Variants in CFI observed in about 807,000 individuals in gnomAD.
The protein encoded by CFI is complement factor I.
Under a neutral mutation model 78.8 loss-of-function variants are expected in CFI, and 66 were observed. The observed-to-expected ratio is 0.84, with a 90% CI of 0.69 to 1.03. CFI has a LOEUF of 1.03. Among genes scored for constraint, CFI ranks in the 50% least tolerant of loss-of-function variants. The pLI, the probability that CFI is intolerant of heterozygous loss-of-function variation, is 0.00. For missense variants in CFI, 706 were observed against 704.5 expected (o/e 1.00, Z -0.02); for synonymous variants, 250 against 232.6 (o/e 1.07, Z -0.68).
intron 1 of CFI, among the ~76,000 whole-genome samples, chr4:109,771,100 A>G (rs1002726979): frequency 6.6e-6 from 1 of 152,228 alleles, no homozygotes; most frequent in Middle Eastern, 3.4e-3. Context: ...GTAGGGAAGT[A>G]GAAGATTAGG....
chr4:109,758,931 A>G (rs1403712499), intron 6 of CFI, among the ~76,000 whole-genome samples: 4 of 152,212 alleles, frequency 2.6e-5, no homozygotes, highest in Non-Finnish European at 5.9e-5. Flanking sequence ...TGTCTCTTCT[A>G]AAAACAGAAA....
At position 109,783,812 on chromosome 4, in the gene CFI, GATATAT is replaced by G. The variant is rs34128338; in HGVS notation, c.58-16994_58-16989del. Among the ~76,000 whole-genome samples the G allele has an allele frequency of 8.3e-3, 935 of 113,052 alleles. 66 individuals are homozygous for G. Among genetic ancestry groups the G allele is most frequent in the African/African-American group, 0.029 (870 of 30,286 alleles). 74.2% of individuals were successfully genotyped at this position (113,052 alleles called of 152,430 possible). On this transcript the variant is annotated intron_variant, in intron 1 of 12. Transcript: ENST00000394634. ...TTCAATGAGTGGATAAAGAAACTGT[GATATAT>G]ATATATATATATATATGATGGAATA...
intron 7 of CFI, among the ~76,000 whole-genome samples, chr4:109,756,074 A>G: frequency 6.6e-6 from 1 of 152,236 alleles, no homozygotes; most frequent in East Asian, 1.9e-4. Context: ...TTGCAAAATA[A>G]CAATACACAT....
At chr4:109,771,517 C>T (rs1490263100) in intron 1 of CFI, among the ~76,000 whole-genome samples, 1 of 147,502 alleles carries the variant, frequency 6.8e-6, no homozygotes, top group African/African-American at 2.5e-5. Context: ...CCATTCTGGC[C>T]AACATGATGA....
chr4:109,768,033 C>T (rs1442789472), intron 1 of CFI, among the ~76,000 whole-genome samples: 4 of 146,654 alleles, frequency 2.7e-5, no homozygotes, highest in Non-Finnish European at 4.4e-5. Flanking sequence ...ATTGCAAGGA[C>T]AAAAAACCAA....
Position 109,760,275 on chromosome 4 carries a change from C to G in CFI, c.878G>C (p.Cys293Ser). 1 of 1,612,080 alleles carries G rather than the reference C, an allele frequency of 6.2e-7. No individual in the cohort carries two copies. The highest frequency in any genetic ancestry group is 8.5e-7 in the Non-Finnish European group (1 of 1,178,104). ...ACCCCAAGTCTTTCAATTACCTGCA[C>G]AGCCAACTTCATCTTCCCCTGTAAT... ...DCITGEDEVG[C>S]AGFASVTQEE... Residue 293 changes from cysteine (C) to serine (S), a missense_variant, in exon 6 of 13, where the codon TGT (cysteine) becomes TCT (serine). By Grantham distance (112) the Cys-to-Ser change is moderately radical. Transcript: ENST00000394634.
In CFI at chr4:109,789,552, A is replaced by G. The variant is rs138961821; in HGVS notation, c.57+12363T>C. Reference sequence around the variant, plus strand: ...TACTGAAAGAGAAAATTGGCAATCTATAATTCTATACCCAGTAAAAATATC... The same window carrying G: ...TACTGAAAGAGAAAATTGGCAATCTGTAATTCTATACCCAGTAAAAATATC... On this transcript the variant is annotated intron_variant, in intron 1 of 12. Transcript: ENST00000394634. 7.2e-5 allele frequency among the ~76,000 whole-genome samples: 11 copies of G among 152,252 alleles called. 1 individual carries two copies. In the East Asian group the frequency reaches 2.1e-3, roughly 29 times the overall value.
chr4:109,752,048 G>A (rs1725210254), intron 8 of CFI, among the ~76,000 whole-genome samples: 1 of 152,078 alleles, frequency 6.6e-6, no homozygotes, highest in African/African-American at 2.4e-5. Context: ...GATCTTCAAA[G>A]GTCTCCTATT....
Position 109,753,692 on chromosome 4 carries a change from T to C in CFI, c.905-1189A>G, listed in dbSNP as rs183556744. 4.9e-3 allele frequency among the ~76,000 whole-genome samples: 569 copies of C among 117,162 alleles called. 11 individuals are homozygous for C. The highest frequency in any genetic ancestry group is 0.02 in the African/African-American group (542 of 27,386). 76.9% of individuals were successfully genotyped at this position (117,162 alleles called of 152,430 possible). A position where few individuals can be genotyped will look rare whatever the true frequency, so the allele number is the denominator to read the frequency against. On this transcript the variant is annotated intron_variant, in intron 7 of 12. Transcript: ENST00000394634. ...TAATTTTATATTATATATTATATAA[T>C]GTATAATTTTATATTATATATTATA...
intron 7 of CFI, 155 bp from the exon 8 acceptor site, chr4:109,752,658 T>A: frequency 1.5e-6 from 1 of 668,626 alleles, no homozygotes; most frequent in Non-Finnish European, 2.6e-6. Context: ...CATGTCATCT[T>A]ATTTCCTTTC....
chr4:109,755,573 T>A (rs1222546226), intron 7 of CFI, among the ~76,000 whole-genome samples: 1 of 152,092 alleles, frequency 6.6e-6, no homozygotes, highest in Non-Finnish European at 1.5e-5. Flanking sequence ...GAGAGTGGGC[T>A]TGTTATATAC....
At chr4:109,756,943 AAG>A (rs1491434024) in intron 7 of CFI, among the ~76,000 whole-genome samples, 1 of 150,616 alleles carries the variant, frequency 6.6e-6, no homozygotes, top group Non-Finnish European at 1.5e-5. Context: ...GAAAGAAAGA[AAG>A]AAAGAAAGAA....
At chr4:109,795,770 G>C (rs938860490) in intron 1 of CFI, among the ~76,000 whole-genome samples, 1 of 152,086 alleles carries the variant, frequency 6.6e-6, no homozygotes, top group Non-Finnish European at 1.5e-5. Context: ...ACAGAAGAGA[G>C]AATCAGTGAA....
At chr4:109,733,699 T>C in the CFI span, among the ~76,000 whole-genome samples, 1 of 152,164 alleles carries the variant, frequency 6.6e-6, no homozygotes, top group Non-Finnish European at 1.5e-5. Flanking sequence ...AGCCACAGGA[T>C]AGAGAGAGTT....
At position 109,749,299 on chromosome 4, in the gene CFI, G is replaced by A. The variant is rs755219640; in HGVS notation, c.1067C>T (p.Ala356Val). The A allele has an allele frequency of 1.2e-6, 2 of 1,614,034 alleles. No homozygotes were observed. The highest frequency in any genetic ancestry group is 1.7e-6 in the Non-Finnish European group (2 of 1,179,952). ...GGTGATTCCACTGGCATCCTTAATT[G>A]CCACCTGCCATGGGAGGTCTCCCTG... ...AQLGDLPWQVAIKDASGITCG... is the reference protein window; with the variant it reads ...AQLGDLPWQVVIKDASGITCG... The change falls in exon 10 of 13, where the codon GCA (alanine) becomes GTA (valine). Residue 356 changes from alanine to valine, a missense_variant. Ala to Val is a moderately conservative substitution (Grantham distance 64, BLOSUM62 0). Coordinates refer to ENST00000394634, the MANE Select transcript of CFI (RefSeq NM_000204.5).
At chr4:109,784,179 A>G (rs1730462362) in intron 1 of CFI, among the ~76,000 whole-genome samples, 1 of 151,992 alleles carries the variant, frequency 6.6e-6, no homozygotes, top group African/African-American at 2.4e-5. Context: ...CTAATAACTA[A>G]TGGAAAAATA....
chr4:109,756,977 G>GAAAGAA (rs1380821599), intron 7 of CFI, among the ~76,000 whole-genome samples: 3 of 141,046 alleles, frequency 2.1e-5, no homozygotes, highest in African/African-American at 7.9e-5. Flanking sequence ...AAGAAAGAAA[G>GAAAGAA]AAATTCTGAG....
At chr4:109,773,967 C>T (rs1016377943) in intron 1 of CFI, among the ~76,000 whole-genome samples, 2 of 152,218 alleles carry the variant, frequency 1.3e-5, no homozygotes, top group East Asian at 1.9e-4. Flanking sequence ...CCAGTAATTT[C>T]CAAAGTGGCT....
chr4:109,777,952 A>G (rs1729487767), intron 1 of CFI, among the ~76,000 whole-genome samples: 1 of 152,214 alleles, frequency 6.6e-6, no homozygotes, highest in Non-Finnish European at 1.5e-5. Flanking sequence ...AAGACACAAC[A>G]TACCAGAATC....
Sources: gnomAD v4.1 joint callset for allele counts (sites outside exome capture counted in the v4.1 genomes callset) on GRCh38, gnomAD v4.1.1 for gene constraint, MANE v1.5 for transcripts, NCBI Gene and HGNC (gene_info 2026-07-23, HGNC 2026-07-21) for gene names.